FOCAD: variants seen among roughly 807,000 people sequenced by gnomAD.
FOCAD encodes focadhesin, also known as KIAA1797.
FOCAD carries 198 observed loss-of-function variants against 225.6 expected under a neutral mutation model. The observed-to-expected ratio is 0.88, with a 90% CI of 0.78 to 0.99. The LOEUF (loss-of-function observed/expected upper bound fraction) is 0.99, where lower values mean the gene tolerates loss of function less well. FOCAD is among the 50% of genes least tolerant of loss of function. FOCAD has a pLI of 0.00. For synonymous variants in FOCAD, 897 were observed against 755.0 expected, an observed-to-expected ratio of 1.19 and a Z score of -3.08; for missense variants, 2,713 against 2,123.6, an observed-to-expected ratio of 1.28 and a Z score of -5.46.
chr9:20,829,378 G>C lies in FOCAD; in HGVS notation c.1920+6263G>C, dbSNP rs187270137. Among the ~76,000 whole-genome samples, 116 of 151,784 alleles carry C rather than the reference G, an allele frequency of 7.6e-4. 1 individual carries two copies. The highest frequency in any genetic ancestry group is 1.3e-3 in the Non-Finnish European group (89 of 67,964). ...TTGTGGTTTTGATTTGCATTTCTCT[G>C]ATGATCAGTGATGTTAATACCAACA... On this transcript the variant is annotated intron_variant, in intron 15 of 43. Transcript: ENST00000338382.
chr9:20,935,368 G>T (rs1835852299), intron 28 of FOCAD, among the ~76,000 whole-genome samples: 1 of 152,046 alleles, frequency 6.6e-6, no homozygotes, highest in South Asian at 2.1e-4. Flanking sequence ...GGACATGGAT[G>T]CATGACTTAA....
At chr9:20,670,770 C>T (rs1043097615) in intron 2 of FOCAD, among the ~76,000 whole-genome samples, 2 of 152,114 alleles carry the variant, frequency 1.3e-5, no homozygotes, top group African/African-American at 4.8e-5. Context: ...TGCCCAAGGT[C>T]ACAGAGTTGG....
chr9:20,890,387 A>G (rs1445119189), intron 21 of FOCAD, among the ~76,000 whole-genome samples: 1 of 148,428 alleles, frequency 6.7e-6, no homozygotes, highest in Non-Finnish European at 1.5e-5. Context: ...TTTTTTTTTA[A>G]TCACAAATAG....
intron 4 of FOCAD, among the ~76,000 whole-genome samples, chr9:20,738,452 A>G (rs768085047): frequency 2.6e-5 from 4 of 152,330 alleles, no homozygotes; most frequent in Non-Finnish European, 5.9e-5. Flanking sequence ...TTTGACATCC[A>G]TTGGAGAACA....
chr9:20,823,709 G>A (rs553206370), intron 15 of FOCAD, among the ~76,000 whole-genome samples: 52 of 152,162 alleles, frequency 3.4e-4, no homozygotes, highest in African/African-American at 1.3e-3. Flanking sequence ...CTAACCAAAG[G>A]TTTTGACTTA....
chr9:20,740,938 C>T (rs947387192), intron 5 of FOCAD, among the ~76,000 whole-genome samples: 13 of 152,084 alleles, frequency 8.5e-5, no homozygotes, highest in African/African-American at 2.7e-4. Flanking sequence ...GTGAAGGTGA[C>T]CTTACCTATT....
intron 8 of FOCAD, among the ~76,000 whole-genome samples, chr9:20,773,094 C>T (rs532137686): frequency 2.4e-4 from 37 of 152,036 alleles, no homozygotes; most frequent in Non-Finnish European, 4.3e-4. Flanking sequence ...ATGGGTAAAA[C>T]CCATATTTTT....
chr9:20,934,956 T>G (rs530394692), intron 28 of FOCAD, among the ~76,000 whole-genome samples: 11 of 152,170 alleles, frequency 7.2e-5, no homozygotes, highest in Admixed American at 6.5e-4. Context: ...TACAAAACAC[T>G]GCTGAAAGAA....
chr9:20,676,069 G>T (rs1822223609), intron 2 of FOCAD, among the ~76,000 whole-genome samples: 1 of 152,178 alleles, frequency 6.6e-6, no homozygotes, highest in Admixed American at 6.5e-5. Flanking sequence ...AATGTGTATG[G>T]AGAAGAAAAA....
intron 15 of FOCAD, among the ~76,000 whole-genome samples, chr9:20,849,005 G>A (rs956553867): frequency 6.6e-6 from 1 of 151,882 alleles, no homozygotes; most frequent in Non-Finnish European, 1.5e-5. Flanking sequence ...GAAAAAAGAG[G>A]CATTACTTCT....
At chr9:20,990,679 T>C (rs1215249976) in intron 42 of FOCAD, among the ~76,000 whole-genome samples, 5 of 152,152 alleles carry the variant, frequency 3.3e-5, no homozygotes, top group Non-Finnish European at 7.4e-5. Context: ...GGTGAGTATG[T>C]CTCAGAGCTC....
At chr9:20,688,741 A>C (rs1038847381) in intron 1 of FOCAD, among the ~76,000 whole-genome samples, 1 of 152,214 alleles carries the variant, frequency 6.6e-6, no homozygotes, top group Non-Finnish European at 1.5e-5. Flanking sequence ...CTAGAAGATA[A>C]GGAGGGAGAG....
At chr9:20,909,189 AGT>A (rs1564138785) in intron 22 of FOCAD, among the ~76,000 whole-genome samples, 1 of 152,124 alleles carries the variant, frequency 6.6e-6, no homozygotes, top group Non-Finnish European at 1.5e-5. Flanking sequence ...TTGAGTAACT[AGT>A]GTGTGTCCAG....
intron 15 of FOCAD, among the ~76,000 whole-genome samples, chr9:20,841,821 G>A (rs1216433489): frequency 6.6e-6 from 1 of 151,116 alleles, no homozygotes; most frequent in African/African-American, 2.4e-5. Context: ...TGCTTTTCTA[G>A]TTCTTTGATG....
chr9:20,695,459 G>A (rs546486635), intron 1 of FOCAD, among the ~76,000 whole-genome samples: 2 of 152,130 alleles, frequency 1.3e-5, no homozygotes, highest in African/African-American at 4.8e-5. Flanking sequence ...TCTTAAGCCC[G>A]TAAACATGCT....
Position 20,820,960 on chromosome 9 carries a change from T to G in FOCAD, c.1682T>G (p.Leu561Arg), listed in dbSNP as rs1824259913. The change falls in exon 14 of 44, where the codon CTG becomes CGG. Residue 561 changes from leucine to arginine, a missense_variant. Transcript: ENST00000338382. ...WEKQDRVYPELQRFMAVSDVP... is the reference protein window; with the variant it reads ...WEKQDRVYPERQRFMAVSDVP... Reference sequence around the variant, plus strand: ...TCGTAGGACCGAGTCTATCCTGAACTGCAGCGTTTCATGGCTGTGTCTGAT... The same window carrying G: ...TCGTAGGACCGAGTCTATCCTGAACGGCAGCGTTTCATGGCTGTGTCTGAT... 2.5e-6 allele frequency: 4 copies of G among 1,612,646 alleles called. No homozygotes were observed. Among genetic ancestry groups the G allele is most frequent in the Non-Finnish European group, 3.4e-6 (4 of 1,179,038 alleles).
intron 9 of FOCAD, 71 bp downstream of exon 9, chr9:20,778,839 A>G (rs1053990850): frequency 9.9e-6 from 8 of 810,940 alleles, no homozygotes; most frequent in Middle Eastern, 2.8e-4. Context: ...CACTTGAACT[A>G]TGTATCCTGC....
chr9:20,736,352 G>C (rs1827152891), intron 4 of FOCAD, among the ~76,000 whole-genome samples: 1 of 152,068 alleles, frequency 6.6e-6, no homozygotes, highest in African/African-American at 2.4e-5. Context: ...CTTCTCCAGT[G>C]GTTATGTTTT....
intron 28 of FOCAD, among the ~76,000 whole-genome samples, chr9:20,940,556 G>T (rs1439934647): frequency 1.3e-5 from 2 of 152,130 alleles, no homozygotes; most frequent in African/African-American, 4.8e-5. Context: ...AAAGTAATGG[G>T]ATTACAGATG....
Sources: allele counts gnomAD v4.1 joint callset (sites outside exome capture counted in the v4.1 genomes callset), GRCh38; gene constraint gnomAD v4.1.1; transcripts MANE v1.5; gene names NCBI Gene and HGNC (gene_info 2026-07-23, HGNC 2026-07-21).